Variants in CALR observed in about 807,000 individuals in gnomAD.
CALR encodes CRP55.
CALR carries 15 observed loss-of-function variants against 51.1 expected under a neutral mutation model. The observed-to-expected ratio is 0.29, with a 90% CI of 0.20 to 0.45. CALR has a LOEUF of 0.45. CALR is among the 20% of genes least tolerant of loss of function. The pLI is 1.00. For missense variants in CALR, 477 were observed against 530.6 expected, an observed-to-expected ratio of 0.90 and a Z score of 0.99; for synonymous variants, 239 against 205.9, an observed-to-expected ratio of 1.16 and a Z score of -1.38.
In CALR at chr19:12,940,749, G is replaced by C. The variant is rs1971534807; in HGVS notation, c.822G>C (p.Glu274Asp). The change falls in exon 7 of 9, where the codon GAG (glutamate) becomes GAC (aspartate). Residue 274 changes from glutamate (E) to aspartate (D), a missense_variant. Physicochemically the swap from Glu to Asp is conservative, Grantham distance 45. Coordinates refer to ENST00000316448, the MANE Select transcript of CALR (RefSeq NM_004343.4). ...TTTCCTTCTCCCTTCTGCAGGGTGAGTGGAAGCCCCGGCAGATCGACAACC... is the reference window on the plus strand; with the variant it reads ...TTTCCTTCTCCCTTCTGCAGGGTGACTGGAAGCCCCGGCAGATCGACAACC... ...PVIQNPEYKG[E>D]WKPRQIDNPD... The C allele has an allele frequency of 6.2e-7, 1 of 1,614,034 alleles. No individual in the cohort carries two copies.
At position 12,943,930 on chromosome 19, in the gene CALR, G is replaced by T; in HGVS notation, c.*17G>T. The T allele has an allele frequency of 6.2e-7, 1 of 1,604,308 alleles. No homozygotes were observed. The highest frequency in any genetic ancestry group is 1.3e-5 in the African/African-American group (1 of 74,874). ...GAGCTGTAGAGAGGCCTGCCTCCAG[G>T]GCTGGACTGAGGCCTGAGCGCTCCT... On this transcript the variant is annotated 3_prime_UTR_variant, in exon 9 of 9. Coordinates refer to ENST00000316448, the MANE Select transcript of CALR (RefSeq NM_004343.4).
In CALR at chr19:12,943,520, TC is replaced by T. The variant is rs1179417505; in HGVS notation, c.961-14del. 1 of 1,611,366 alleles carries T rather than the reference TC, an allele frequency of 6.2e-7. No homozygotes were observed. The highest frequency in any genetic ancestry group is 8.5e-7 in the Non-Finnish European group (1 of 1,177,548). Reference sequence around the variant, plus strand: ...ATCGGGTATCACCTCTGACCATCCTTCCCATTCATCCTCCAGGTCAAGTCTG... The same window carrying T: ...ATCGGGTATCACCTCTGACCATCCTTCCATTCATCCTCCAGGTCAAGTCTG... On this transcript the variant is annotated splice_polypyrimidine_tract_variant and intron_variant, in intron 7 of 8. Coordinates refer to ENST00000316448, the MANE Select transcript of CALR (RefSeq NM_004343.4).
Position 12,940,153 on chromosome 19 carries a change from C to T in CALR, c.492+6C>T. ...ACAAGGACATCCGTTGCAAGGTGTGCCTGGGGGTGGTGGCAAATGGCTGTC... is the reference window on the plus strand; with the variant it reads ...ACAAGGACATCCGTTGCAAGGTGTGTCTGGGGGTGGTGGCAAATGGCTGTC... On this transcript the variant is annotated splice_donor_region_variant and intron_variant, in intron 4 of 8. Coordinates refer to ENST00000316448, the MANE Select transcript of CALR (RefSeq NM_004343.4). 6.2e-7 allele frequency: 1 copy of T among 1,613,376 alleles called. No homozygotes were observed.
chr19:12,943,718 A>G lies in CALR; in HGVS notation c.1059A>G (p.Ala353=). ...GGTGTGTGCTCTGCCTGCAGGCAGC[A>G]GAGAAACAAATGAAGGACAAACAGG... ...GNETWGVTKA[A]EKQMKDKQDE... is the part of the protein sequence containing the mutation. Residue 353 remains alanine (A), a synonymous_variant, in exon 9 of 9, where the codon GCA becomes GCG. Transcript: ENST00000316448. 1 of 1,614,086 alleles carries G rather than the reference A, an allele frequency of 6.2e-7. No individual in the cohort carries two copies.
At chr19:12,938,945 T>C (rs918487805) in intron 1 of CALR, 175 bp downstream of exon 1, 1 of 734,922 alleles carries the variant, frequency 1.4e-6, no homozygotes. Flanking sequence ...CGTAGCGGCC[T>C]CCCGCGGCGG....
At position 12,943,982 on chromosome 19, in the gene CALR, T is replaced by C. The variant is rs1403101847; in HGVS notation, c.*69T>C. The C allele has an allele frequency of 4.4e-6, 7 of 1,590,214 alleles. No individual in the cohort carries two copies. Among genetic ancestry groups the C allele is most frequent in the African/African-American group, 2.7e-5 (2 of 74,702 alleles). Reference sequence around the variant, plus strand: ...CCGCAGAGCTGGCCGCGCCAAATAATGTCTCTGTGAGACTCGAGAACTTTC... The same window carrying C: ...CCGCAGAGCTGGCCGCGCCAAATAACGTCTCTGTGAGACTCGAGAACTTTC... On this transcript the variant is annotated 3_prime_UTR_variant, in exon 9 of 9. Coordinates refer to ENST00000316448, the MANE Select transcript of CALR (RefSeq NM_004343.4).
At chr19:12,939,082 G>C (rs1273164364) in intron 1 of CALR, 52 bp from the exon 2 acceptor site, 38 of 1,014,134 alleles carry the variant, frequency 3.7e-5, no homozygotes, top group East Asian at 1.3e-4. Context: ...TGTTTGGTGT[G>C]GGGGGGGATT....
intron 7 of CALR, among the ~76,000 whole-genome samples, chr19:12,942,134 TG>T (rs1971557110): frequency 6.6e-6 from 1 of 151,450 alleles, no homozygotes. Context: ...CCAAGGCGGG[TG>T]GATCACAAGG....
At chr19:12,939,728 G>A in intron 3 of CALR, 97 bp downstream of exon 3, 2 of 1,044,128 alleles carry the variant, frequency 1.9e-6, no homozygotes, top group Non-Finnish European at 1.5e-6. Flanking sequence ...TTTGGAAGGG[G>A]AGCTAAAAGA....
chr19:12,939,205 A>G lies in CALR; in HGVS notation c.163A>G (p.Lys55Glu), dbSNP rs1971510253. 6.2e-7 allele frequency: 1 copy of G among 1,611,658 alleles called. No homozygotes were observed. The highest frequency in any genetic ancestry group is 8.5e-7 in the Non-Finnish European group (1 of 1,178,894). The stretch of plus-strand genomic sequence containing the variant: ...TGGCAAATTCGTTCTCAGTTCCGGC[A>G]AGTTCTACGGTGACGAGGAGAAAGA... ...DFGKFVLSSG[K>E]FYGDEEKDKG... Residue 55 changes from lysine to glutamate, a missense_variant, in exon 2 of 9, where the codon AAG (lysine) becomes GAG (glutamate). Lys to Glu is a moderately conservative substitution (Grantham distance 56). Coordinates refer to ENST00000316448, the MANE Select transcript of CALR (RefSeq NM_004343.4).
chr19:12,939,998 A>G lies in CALR; in HGVS notation c.398-55A>G, dbSNP rs968518842. On this transcript the variant is annotated intron_variant, in intron 3 of 8. Coordinates refer to ENST00000316448, the MANE Select transcript of CALR (RefSeq NM_004343.4). ...TCTTCCTTTTATAAAGAGGGGTGAG[A>G]GCCTCGAGATGATGGGTAGTCTCTG... The G allele has an allele frequency of 3.3e-6, 4 of 1,226,840 alleles. No individual in the cohort carries two copies. In the African/African-American group the frequency reaches 5.9e-5, roughly 18 times the overall value. 76.0% of individuals were successfully genotyped at this position (1,226,840 alleles called of 1,614,324 possible). A position where few individuals can be genotyped will look rare whatever the true frequency, so the allele number is the denominator to read the frequency against.
chr19:12,941,466 A>ATTTTTT (rs61272402), intron 7 of CALR, among the ~76,000 whole-genome samples: 1 of 87,058 alleles, frequency 1.1e-5, no homozygotes, highest in Non-Finnish European at 2.2e-5. Flanking sequence ...TGCCAGGCTA[A>ATTTTTT]TTTTTTTTTT....
In CALR at chr19:12,939,228, A is replaced by G. The variant is rs1414627392; in HGVS notation, c.186A>G (p.Lys62=). ...GCAAGTTCTACGGTGACGAGGAGAA[A>G]GATAAAGGTAAGAGCCTAGGAGTGG... ...SSGKFYGDEE[K]DKGLQTSQDA... is the part of the protein sequence containing the mutation. Residue 62 remains lysine (K), a synonymous_variant, in exon 2 of 9, where the codon AAA becomes AAG. Transcript: ENST00000316448. 3.1e-6 allele frequency: 5 copies of G among 1,607,016 alleles called. No individual in the cohort carries two copies. The highest frequency in any genetic ancestry group is 1.7e-5 in the Admixed American group (1 of 58,904).
intron 2 of CALR, 68 bp from the exon 3 acceptor site, chr19:12,939,360 C>T: frequency 1.3e-6 from 2 of 1,534,802 alleles, no homozygotes; most frequent in South Asian, 1.1e-5. Flanking sequence ...GGAGTCTTCT[C>T]TATTCTCTAA....
Position 12,940,656 on chromosome 19 carries a change from TGA to T in CALR, c.816+4_816+5del. ...GTGATTCAGAACCCTGAGTACAAGG[TGA>T]GTTTGGGGCTCTGAGCAGGGCTGGG... On this transcript the variant is annotated splice_donor_region_variant and intron_variant, in intron 6 of 8. Coordinates refer to ENST00000316448, the MANE Select transcript of CALR (RefSeq NM_004343.4). 1 of 1,613,692 alleles carries T rather than the reference TGA, an allele frequency of 6.2e-7. No individual in the cohort carries two copies. The highest frequency in any genetic ancestry group is 1.1e-5 in the South Asian group (1 of 91,036).
rs1174438067 is a variant in CALR at position 12,943,875 on chromosome 19, G to A, written c.1216G>A (p.Glu406Lys). ...EDEEDKEEDE[E>K]EDVPGQAKDE... is the part of the protein sequence containing the mutation. ...TGAGGAGGACAAGGAGGAAGATGAG[G>A]AGGAAGATGTCCCCGGCCAGGCCAA... The change falls in exon 9 of 9, where the codon GAG (glutamate) becomes AAG (lysine). Residue 406 changes from glutamate to lysine, a missense_variant. By Grantham distance (56) the Glu-to-Lys change is moderately conservative. Transcript: ENST00000316448. The A allele has an allele frequency of 1.3e-6, 2 of 1,590,350 alleles. No homozygotes were observed. Among genetic ancestry groups the A allele is most frequent in the Admixed American group, 1.8e-5 (1 of 56,332 alleles).
intron 7 of CALR, chr19:12,943,320 G>C: frequency 3.4e-6 from 2 of 582,294 alleles, no homozygotes; most frequent in Non-Finnish European, 6.2e-6. Flanking sequence ...TCCTGACCTC[G>C]TGATCCGCCC....
At position 12,943,871 on chromosome 19, in the gene CALR, TGAG is replaced by T. The variant is rs748133265; in HGVS notation, c.1218_1220del (p.Glu407del). 4.6e-5 allele frequency: 73 copies of T among 1,587,484 alleles called. No individual in the cohort carries two copies. Among genetic ancestry groups the T allele is most frequent in the African/African-American group, 2.3e-4 (17 of 74,330 alleles). The stretch of plus-strand genomic sequence containing the variant: ...AGGATGAGGAGGACAAGGAGGAAGA[TGAG>T]GAGGAAGATGTCCCCGGCCAGGCCA... On this transcript the variant is annotated inframe_deletion, in exon 9 of 9. Coordinates refer to ENST00000316448, the MANE Select transcript of CALR (RefSeq NM_004343.4).
chr19:12,943,620 C>T lies in CALR; in HGVS notation c.1044C>T (p.Gly348=), dbSNP rs747325385. Residue 348 remains glycine, a synonymous_variant, in exon 8 of 9, where the codon GGC becomes GGT. Transcript: ENST00000316448. The part of the protein sequence containing the change: ...YAEEFGNETW[G]VTKAAEKQMK... ...AGGAGTTTGGCAACGAGACGTGGGG[C>T]GTAACAAAGGTGAGGCCTGGTCCTG... 5.6e-6 allele frequency: 9 copies of T among 1,613,944 alleles called. No homozygotes were observed. The highest frequency in any genetic ancestry group is 2.7e-5 in the African/African-American group (2 of 74,890).
Sources: allele counts gnomAD v4.1 joint callset (sites outside exome capture counted in the v4.1 genomes callset), GRCh38; gene constraint gnomAD v4.1.1; transcripts MANE v1.5; gene names NCBI Gene and HGNC (gene_info 2026-07-23, HGNC 2026-07-21).